Variants in DPP6 observed in about 807,000 individuals in gnomAD.
The protein encoded by DPP6 is dipeptidyl peptidase like 6, also known as A-type potassium channel modulatory protein DPP6.
A neutral mutation model predicts 122.6 loss-of-function variants in DPP6; 69 were observed. The observed-to-expected ratio is 0.56, with a 90% CI of 0.46 to 0.69. The LOEUF (loss-of-function observed/expected upper bound fraction) is 0.69. Ranked by LOEUF, DPP6 falls within the 30% of genes least tolerant of loss-of-function variation. The pLI is 0.00. For missense variants in DPP6, 928 were observed against 1,116.9 expected (o/e 0.83, Z 2.41); for synonymous variants, 418 against 433.1 (o/e 0.97, Z 0.43).
intron 1 of DPP6, among the ~76,000 whole-genome samples, chr7:154,432,686 T>C (rs1469634793): frequency 6.6e-6 from 1 of 152,228 alleles, no homozygotes. Context: ...ATTTATTCAT[T>C]ATGGTGCTAG....
At chr7:154,117,360 T>C (rs1807065366) in intron 1 of DPP6, among the ~76,000 whole-genome samples, 1 of 152,222 alleles carries the variant, frequency 6.6e-6, no homozygotes, top group Non-Finnish European at 1.5e-5. Flanking sequence ...ACCAAGTTAC[T>C]GCAGTCCTGT....
intron 1 of DPP6, among the ~76,000 whole-genome samples, chr7:154,377,043 C>A (rs534327817): frequency 6.6e-6 from 1 of 152,222 alleles, no homozygotes; most frequent in East Asian, 1.9e-4. Flanking sequence ...TAATAAAAAA[C>A]CTAACAGTTG....
chr7:154,034,254 G>T (rs1286779520), intron 1 of DPP6, among the ~76,000 whole-genome samples: 1 of 152,166 alleles, frequency 6.6e-6, no homozygotes, highest in African/African-American at 2.4e-5. Flanking sequence ...ACTACTGCTA[G>T]TATGAATCTT....
intron 2 of DPP6, among the ~76,000 whole-genome samples, chr7:154,451,928 C>T (rs1820415515): frequency 6.6e-6 from 1 of 152,190 alleles, no homozygotes; most frequent in African/African-American, 2.4e-5. Flanking sequence ...CACCGCTGCT[C>T]CCGCACCGAG....
intron 16 of DPP6, among the ~76,000 whole-genome samples, chr7:154,824,781 G>A (rs1800032701): frequency 6.6e-6 from 1 of 152,202 alleles, no homozygotes; most frequent in African/African-American, 2.4e-5. Flanking sequence ...GCAATTCCTT[G>A]TTGTTTAAGA....
chr7:154,357,855 T>A (rs1811401213), intron 1 of DPP6, among the ~76,000 whole-genome samples: 1 of 151,300 alleles, frequency 6.6e-6, no homozygotes. Flanking sequence ...GGCAGGAGAA[T>A]CACCTGAACC....
At chr7:153,907,562 G>T (rs920019229) in intron 1 of DPP6, among the ~76,000 whole-genome samples, 1 of 152,222 alleles carries the variant, frequency 6.6e-6, no homozygotes, top group Admixed American at 6.5e-5. Flanking sequence ...CCATGAGGGT[G>T]TTTTGGATGA....
At chr7:154,544,110 CAAAT>C (rs1828966828) in intron 4 of DPP6, among the ~76,000 whole-genome samples, 1 of 141,790 alleles carries the variant, frequency 7.1e-6, no homozygotes, top group Non-Finnish European at 1.5e-5. Flanking sequence ...ATATATAAAA[CAAAT>C]ATATATACAC....
At chr7:154,699,631 T>C (rs975741652) in intron 7 of DPP6, among the ~76,000 whole-genome samples, 7 of 152,214 alleles carry the variant, frequency 4.6e-5, no homozygotes, top group African/African-American at 1.4e-4. Context: ...GCCGGGCCCC[T>C]GTGCAGAGTG....
rs183969210 is a variant in DPP6 at position 153,923,403 on chromosome 7, G to T, written c.51+35669G>T. Among the ~76,000 whole-genome samples, 255 of 152,238 alleles carry T rather than the reference G, an allele frequency of 1.7e-3. 3 individuals carry two copies. The highest frequency in any genetic ancestry group is 2.5e-3 in the Non-Finnish European group (167 of 68,012). On this transcript the variant is annotated intron_variant, in intron 1 of 25. Coordinates refer to the DPP6 transcript ENST00000404039. ...CTTGCAGACAACCATGTGGAGTGAT[G>T]GATTAAATTTCCCCTTTCTTAGGAA...
At chr7:154,278,645 G>T (rs958735693) in intron 1 of DPP6, among the ~76,000 whole-genome samples, 1 of 152,214 alleles carries the variant, frequency 6.6e-6, no homozygotes, top group Admixed American at 6.5e-5. Context: ...TTTGCACAGG[G>T]TGGCCTATGG....
At chr7:154,677,717 C>T (rs1839003381) in intron 7 of DPP6, among the ~76,000 whole-genome samples, 1 of 152,204 alleles carries the variant, frequency 6.6e-6, no homozygotes, top group Non-Finnish European at 1.5e-5. Flanking sequence ...GGTGGCACTG[C>T]AGCAGCAGCA....
chr7:154,183,891 AT>A (rs1415486255), intron 1 of DPP6, among the ~76,000 whole-genome samples: 1 of 152,202 alleles, frequency 6.6e-6, no homozygotes, highest in Non-Finnish European at 1.5e-5. Flanking sequence ...TGCATCGTGC[AT>A]TTCTCTGACA....
rs770278062 is a variant in DPP6, at chr7:154,872,591, C to A, written c.1814-33C>A. 6.3e-6 allele frequency: 10 copies of A among 1,575,692 alleles called. 1 individual carries two copies. The South Asian group carries it at 1.2e-4, about 18-fold the overall frequency. On this transcript the variant is annotated intron_variant, in intron 18 of 25. Transcript: ENST00000377770. The stretch of plus-strand genomic sequence containing the variant: ...CCGATACCCCGTGGCCAGCATTGCC[C>A]CCTAACCCGTGCTGTGCTCTGCTTC...
exon 1 of DPP6, chr7:153,887,715 AGATGCAGGGGAACGT>A (rs1798993731): frequency 1.2e-6 from 2 of 1,613,802 alleles, no homozygotes; most frequent in Non-Finnish European, 1.7e-6. Flanking sequence ...AAGACCGCTA[AGATGCAGGGGAACGT>A]GATGGTGAGT....
intron 2 of DPP6, among the ~76,000 whole-genome samples, chr7:154,465,145 A>G (rs1193179548): frequency 2.6e-5 from 4 of 152,220 alleles, no homozygotes; most frequent in East Asian, 3.8e-4. Context: ...AAGCAAAACC[A>G]TGGGTAAGGA....
chr7:154,245,166 T>TA (rs2150883409), intron 1 of DPP6, among the ~76,000 whole-genome samples: 1 of 151,670 alleles, frequency 6.6e-6, no homozygotes, highest in African/African-American at 2.4e-5. Flanking sequence ...TTGGCCAGGC[T>TA]GGTCTTGAAC....
At chr7:153,955,067 C>G (rs1802398040) in intron 1 of DPP6, among the ~76,000 whole-genome samples, 1 of 152,172 alleles carries the variant, frequency 6.6e-6, no homozygotes. Context: ...CTTCTTCAGT[C>G]TTCAGACTGC....
intron 8 of DPP6, 66 bp downstream of exon 8, chr7:154,727,953 G>T: frequency 2.7e-6 from 4 of 1,479,564 alleles, no homozygotes; most frequent in South Asian, 1.5e-5. Flanking sequence ...TTGGAGTTGG[G>T]TTCTTTTTCA....
Sources: gnomAD v4.1 joint callset for allele counts (sites outside exome capture counted in the v4.1 genomes callset) on GRCh38, gnomAD v4.1.1 for gene constraint, MANE v1.5 for transcripts, NCBI Gene and HGNC (gene_info 2026-07-23, HGNC 2026-07-21) for gene names.